SGCD: variants seen among roughly 807,000 people sequenced by gnomAD.
SGCD encodes the protein sarcoglycan delta.
In SGCD, 18 loss-of-function variants were observed where a neutral mutation model predicts 36.6. The ratio of observed to expected loss-of-function variants is 0.49; its 90% CI spans 0.34 to 0.73. The LOEUF (loss-of-function observed/expected upper bound fraction) is 0.73. SGCD is among the 30% of genes least tolerant of loss of function. SGCD has a pLI of 0.01. For missense variants in SGCD, 387 were observed against 346.7 expected, an observed-to-expected ratio of 1.12 and a Z score of -0.92; for synonymous variants, 133 against 130.6, an observed-to-expected ratio of 1.02 and a Z score of -0.12.
chr5:155,741,292 G>T, the SGCD span, among the ~76,000 whole-genome samples: 1 of 152,122 alleles, frequency 6.6e-6, no homozygotes, highest in African/African-American at 2.4e-5. Flanking sequence ...GACCCTAAAA[G>T]GTGCCACAGT....
chr5:156,510,548 A>T (rs1424072591), intron 4 of SGCD, among the ~76,000 whole-genome samples: 4 of 152,066 alleles, frequency 2.6e-5, no homozygotes, highest in Non-Finnish European at 5.9e-5. Flanking sequence ...CCTTCTATGG[A>T]TGTTGGCATA....
intron 5 of SGCD, among the ~76,000 whole-genome samples, chr5:156,590,068 G>A (rs1220923691): frequency 6.6e-6 from 1 of 152,202 alleles, no homozygotes; most frequent in Non-Finnish European, 1.5e-5. Context: ...GAAGGGAAAA[G>A]GAATGTATGT....
chr5:156,516,381 G>A (rs1375818269), intron 4 of SGCD, among the ~76,000 whole-genome samples: 1 of 152,188 alleles, frequency 6.6e-6, no homozygotes, highest in Non-Finnish European at 1.5e-5. Context: ...ACCTCCAGGT[G>A]CAGGAAAAGA....
chr5:156,382,731 T>C lies in SGCD; in HGVS notation c.192+38054T>C, dbSNP rs139128579. ...CAGCTTTCTAAACTCTTCACCAAAA[T>C]GTGTAAACAAAGTGAATTTGTCTCA... On this transcript the variant is annotated intron_variant, in intron 3 of 8. Transcript: ENST00000337851. 2.4e-4 allele frequency among the ~76,000 whole-genome samples: 37 copies of C among 152,288 alleles called. No homozygotes were observed. In the East Asian group the frequency reaches 5.8e-3, roughly 24 times the overall value.
At chr5:156,685,093 A>G (rs1338045511) in intron 7 of SGCD, among the ~76,000 whole-genome samples, 1 of 152,168 alleles carries the variant, frequency 6.6e-6, no homozygotes, top group Non-Finnish European at 1.5e-5. Flanking sequence ...TCAAAGGGGT[A>G]GTTGTCATTC....
chr5:156,170,067 G>T (rs1763307225), intron 3 of SGCD, among the ~76,000 whole-genome samples: 1 of 152,162 alleles, frequency 6.6e-6, no homozygotes, highest in Non-Finnish European at 1.5e-5. Context: ...AAGGGGCTTT[G>T]CGGCCAGGCC....
intron 7 of SGCD, among the ~76,000 whole-genome samples, chr5:156,697,369 A>G (rs1308800844): frequency 6.6e-6 from 1 of 152,138 alleles, no homozygotes; most frequent in Non-Finnish European, 1.5e-5. Context: ...AACTACTTAG[A>G]GACATTCTGC....
At chr5:156,020,059 T>C (rs1407825390) in intron 1 of SGCD, among the ~76,000 whole-genome samples, 1 of 152,224 alleles carries the variant, frequency 6.6e-6, no homozygotes, top group Non-Finnish European at 1.5e-5. Context: ...AGATTTTCCA[T>C]GTCACTTGCC....
At chr5:156,159,497 TAAAC>T (rs754586497) in intron 3 of SGCD, among the ~76,000 whole-genome samples, 6 of 151,436 alleles carry the variant, frequency 4.0e-5, no homozygotes, top group African/African-American at 9.8e-5. Flanking sequence ...ACAAAACAAA[TAAAC>T]AAACAAAAAC....
intron 6 of SGCD, among the ~76,000 whole-genome samples, chr5:156,619,651 A>G (rs1762166180): frequency 6.6e-6 from 1 of 152,184 alleles, no homozygotes; most frequent in Admixed American, 6.5e-5. Flanking sequence ...TTGCTTTTCC[A>G]GCAGAGGCCA....
chr5:156,296,427 A>G (rs374182099), intron 3 of SGCD, among the ~76,000 whole-genome samples: 2 of 152,202 alleles, frequency 1.3e-5, no homozygotes, highest in African/African-American at 2.4e-5. Flanking sequence ...TAGGTTGTCA[A>G]TAGAAGATCT....
intron 7 of SGCD, among the ~76,000 whole-genome samples, chr5:156,683,413 A>T (rs550638567): frequency 6.6e-6 from 1 of 152,336 alleles, no homozygotes; most frequent in East Asian, 1.9e-4. Flanking sequence ...GAATGCATGG[A>T]AGCTAGTAAA....
intron 4 of SGCD, among the ~76,000 whole-genome samples, chr5:156,531,215 G>A (rs1757877128): frequency 6.6e-6 from 1 of 152,160 alleles, no homozygotes; most frequent in Non-Finnish European, 1.5e-5. Flanking sequence ...GCAGCAACAA[G>A]GCAACATCTT....
the SGCD span, among the ~76,000 whole-genome samples, chr5:155,820,940 G>A: frequency 6.6e-6 from 1 of 151,994 alleles, no homozygotes; most frequent in Non-Finnish European, 1.5e-5. Context: ...GAGAGAGCAT[G>A]GGATTGACAT....
Position 156,589,259 on chromosome 5 carries a change from G to C in SGCD, c.323G>C (p.Arg108Thr), listed in dbSNP as rs1482859829. The change falls in exon 5 of 9, where the codon AGA becomes ACA. Residue 108 changes from arginine (R) to threonine (T), a missense_variant. Transcript: ENST00000337851. Reference protein sequence around the residue: ...PGNALYFKSARNVTVNILNDQ... With the variant: ...PGNALYFKSATNVTVNILNDQ... ...AATGCCCTGTACTTCAAGTCTGCCA[G>C]AAATGTTACAGTGAACATTCTCAAT... 1 of 1,573,592 alleles carries C rather than the reference G, an allele frequency of 6.4e-7. No homozygotes were observed. The highest frequency in any genetic ancestry group is 2.3e-5 in the East Asian group (1 of 43,752).
At chr5:156,042,823 C>T (rs911703183) in intron 1 of SGCD, among the ~76,000 whole-genome samples, 4 of 152,148 alleles carry the variant, frequency 2.6e-5, no homozygotes, top group African/African-American at 9.7e-5. Context: ...AGTTGTGAAT[C>T]TTGTGACCTA....
chr5:155,779,861 A>G, the SGCD span, among the ~76,000 whole-genome samples: 1 of 152,168 alleles, frequency 6.6e-6, no homozygotes, highest in Admixed American at 6.5e-5. Flanking sequence ...AAGGGATATC[A>G]TATTTTAATT....
At chr5:156,482,286 C>T (rs1014582789) in intron 3 of SGCD, among the ~76,000 whole-genome samples, 5 of 151,778 alleles carry the variant, frequency 3.3e-5, no homozygotes, top group Non-Finnish European at 5.9e-5. Flanking sequence ...AAACTGCTAA[C>T]ATATAGAAGA....
intron 3 of SGCD, among the ~76,000 whole-genome samples, chr5:156,454,680 G>A (rs1380195640): frequency 5.3e-5 from 8 of 152,158 alleles, no homozygotes; most frequent in Non-Finnish European, 1.5e-5. Context: ...TGGTTCTACA[G>A]AGAGAGCATT....
Sources: allele counts gnomAD v4.1 joint callset (sites outside exome capture counted in the v4.1 genomes callset), GRCh38; gene constraint gnomAD v4.1.1; transcripts MANE v1.5; gene names NCBI Gene and HGNC (gene_info 2026-07-23, HGNC 2026-07-21).